Variants in DTX2 observed in about 807,000 individuals in gnomAD.
DTX2 encodes the protein deltex E3 ubiquitin ligase 2.
DTX2 carries 29 observed loss-of-function variants against 55.3 expected under a neutral mutation model. The ratio of observed to expected loss-of-function variants is 0.52; its 90% confidence interval spans 0.39 to 0.71. DTX2 has a LOEUF of 0.71. DTX2 is among the 30% of genes least tolerant of loss of function. The pLI is 0.00. For missense variants in DTX2, 537 were observed against 822.5 expected (o/e 0.65, Z 4.25); for synonymous variants, 276 against 340.4 (o/e 0.81, Z 2.08).
chr7:76,497,431 CA>C lies in DTX2; in HGVS notation c.1108del (p.Ser370ValfsTer8). On this transcript the variant is annotated frameshift_variant, in exon 6 of 11. Transcript: ENST00000430490. LOFTEE classifies it high-confidence loss of function. ...GCCCTCCCGCCTCCCGTCTGGCTTC[CA>C]AAAGTCACGGCTCAGTTAAGAGATT... ...TSPPASRLAS[K>X]SHGSVKRLRK... 1 of 1,562,924 alleles carries C rather than the reference CA, an allele frequency of 6.4e-7. No homozygotes were observed. The highest frequency in any genetic ancestry group is 8.8e-7 in the Non-Finnish European group (1 of 1,138,660).
intron 2 of DTX2, among the ~76,000 whole-genome samples, chr7:76,466,588 G>T (rs1584110308): frequency 6.9e-6 from 1 of 144,582 alleles, no homozygotes; most frequent in Non-Finnish European, 1.5e-5. Flanking sequence ...TTGTTTCTCT[G>T]TCTCTTTTTT....
Position 76,482,676 on chromosome 7 carries a change from C to G in DTX2, c.437C>G (p.Ala146Gly), listed in dbSNP as rs746249602. The part of the protein sequence containing the change: ...VARGNQLVDL[A>G]PLGYNYTVNY... Reference sequence around the variant, plus strand: ...AGGGGCAACCAGCTCGTGGACTTGGCCCCCCTGGGGTACAACTACACTGTC... The same window carrying G: ...AGGGGCAACCAGCTCGTGGACTTGGGCCCCCTGGGGTACAACTACACTGTC... The change falls in exon 4 of 11, where the codon GCC (alanine) becomes GGC (glycine). Residue 146 changes from alanine to glycine, a missense_variant. Ala to Gly is a moderately conservative substitution (Grantham distance 60). This residue lies in a region of DTX2 where 301 missense variants were observed against 396.6 expected (regional missense o/e 0.76). Transcript: ENST00000430490. 1 of 1,613,712 alleles carries G rather than the reference C, an allele frequency of 6.2e-7. No individual in the cohort carries two copies. Among genetic ancestry groups the G allele is most frequent in the East Asian group, 2.2e-5 (1 of 44,868 alleles).
intron 6 of DTX2, among the ~76,000 whole-genome samples, chr7:76,499,537 C>T (rs1811400023): frequency 1.3e-5 from 2 of 151,252 alleles, no homozygotes; most frequent in Admixed American, 1.3e-4. Context: ...GAGTCTGGGA[C>T]GACCGCAGCC....
chr7:76,483,426 G>A (rs1473733668), intron 4 of DTX2, among the ~76,000 whole-genome samples: 2 of 152,284 alleles, frequency 1.3e-5, no homozygotes, highest in African/African-American at 4.8e-5. Flanking sequence ...TTAAAGGCCT[G>A]TGGCCTCTGC....
rs1810690510 is a variant in DTX2 at position 76,494,292 on chromosome 7, G to A, written c.1009+2039G>A. On this transcript the variant is annotated intron_variant, in intron 5 of 10. Transcript: ENST00000430490. ...GAGCTGGAGTGGGGCAGGGGAGACAGAATGAGCAAGACACACTGGCCAGAA... is the reference window on the plus strand; with the variant it reads ...GAGCTGGAGTGGGGCAGGGGAGACAAAATGAGCAAGACACACTGGCCAGAA... Among the ~76,000 whole-genome samples, 2 of 92,164 alleles carry A rather than the reference G, an allele frequency of 2.2e-5. 1 individual carries two copies. The highest frequency in any genetic ancestry group is 4.7e-5 in the Non-Finnish European group (2 of 42,544). 60.5% of individuals were successfully genotyped at this position (92,164 alleles called of 152,430 possible). A position where few individuals can be genotyped will look rare whatever the true frequency, so the allele number is the denominator to read the frequency against.
intron 6 of DTX2, among the ~76,000 whole-genome samples, chr7:76,498,379 C>T (rs539937490): frequency 2.7e-4 from 41 of 151,836 alleles, no homozygotes; most frequent in Non-Finnish European, 4.9e-4. Flanking sequence ...CTCTGCACGC[C>T]CTGCCCTTCC....
chr7:76,482,968 C>A lies in DTX2; in HGVS notation c.729C>A (p.Ala243=), dbSNP rs1809463883. The A allele has an allele frequency of 1.9e-6, 3 of 1,613,712 alleles. No homozygotes were observed. In the Admixed American group the frequency reaches 5.0e-5, roughly 27 times the overall value. Residue 243 remains alanine (A), a synonymous_variant, in exon 4 of 11, where the codon GCC becomes GCA. Coordinates refer to ENST00000430490, the MANE Select transcript of DTX2 (RefSeq NM_001102594.3). ...RTASVFGTHQ[A]FAPYNKPSLS... ...CTTCTGTGTTTGGGACCCACCAGGC[C>A]TTTGCACCGTACAACAAACCCTCAC...
intron 2 of DTX2, among the ~76,000 whole-genome samples, chr7:76,472,728 TGAA>T (rs1439850249): frequency 6.6e-6 from 1 of 150,452 alleles, no homozygotes; most frequent in Non-Finnish European, 1.5e-5. Context: ...CTCCTATATA[TGAA>T]GAAGAAAAGA....
intron 8 of DTX2, 22 bp downstream of exon 8, chr7:76,502,478 G>C: frequency 6.2e-7 from 1 of 1,606,596 alleles, no homozygotes; most frequent in South Asian, 1.1e-5. Context: ...GGCCCAGGGC[G>C]GAGGCGGGTG....
Position 76,502,303 on chromosome 7 carries a change from C to T in DTX2, c.1236C>T (p.Cys412=). The change falls in exon 8 of 11, where the codon TGC becomes TGT. Residue 412 remains cysteine (C), a synonymous_variant. Transcript: ENST00000430490. ...EELKVPPDED[C]IICMEKLSTA... is the part of the protein sequence containing the mutation. ...CCATGTTTGGTCTCCTCCAGGACTG[C>T]ATCATCTGCATGGAGAAGCTGTCCA... is the stretch of plus-strand genomic sequence containing the variant. 1 of 1,607,148 alleles carries T rather than the reference C, an allele frequency of 6.2e-7. No homozygotes were observed. Among genetic ancestry groups the T allele is most frequent in the Non-Finnish European group, 8.5e-7 (1 of 1,176,168 alleles).
intron 7 of DTX2, among the ~76,000 whole-genome samples, chr7:76,500,793 A>G (rs550638982): frequency 0.039 from 5,904 of 151,902 alleles, 320 homozygotes; most frequent in African/African-American, 0.13. Context: ...GGGAGCAGGA[A>G]TTCCAGAGAC....
intron 2 of DTX2, among the ~76,000 whole-genome samples, chr7:76,468,709 T>A (rs1807478027): frequency 1.5e-5 from 1 of 67,860 alleles, no homozygotes; most frequent in African/African-American, 6.9e-5. Flanking sequence ...CCACCCCCGC[T>A]TGGCCTCCCA....
rs1482713888 is a variant in DTX2, at chr7:76,464,383, T to C, written c.-90+674T>C. ...TGAGCGAGGAGGGTTATGTGGGCCA[T>C]GCCAAGACTCGGGAGTGGAAGGATT... On this transcript the variant is annotated intron_variant, in intron 2 of 10. Coordinates refer to ENST00000430490, the MANE Select transcript of DTX2 (RefSeq NM_001102594.3). Among the ~76,000 whole-genome samples the C allele has an allele frequency of 5.3e-5, 8 of 149,840 alleles. No homozygotes were observed. The East Asian group carries it at 1.4e-3, about 26-fold the overall frequency.
chr7:76,491,575 G>A lies in DTX2; in HGVS notation c.909-578G>A, dbSNP rs1443696105. The stretch of plus-strand genomic sequence containing the variant: ...TGGGATTTCAGGCGTGAGCCACCAC[G>A]CCTGGCCTGAGAGCCTGCATTTTGA... On this transcript the variant is annotated intron_variant, in intron 4 of 10. Transcript: ENST00000430490. Among the ~76,000 whole-genome samples the A allele has an allele frequency of 2.1e-4, 18 of 87,802 alleles. 6 individuals are homozygous for A. The highest frequency in any genetic ancestry group is 3.9e-4 in the Non-Finnish European group (17 of 43,166). 57.6% of individuals were successfully genotyped at this position (87,802 alleles called of 152,430 possible). A position where few individuals can be genotyped will look rare whatever the true frequency, so the allele number is the denominator to read the frequency against.
intron 2 of DTX2, among the ~76,000 whole-genome samples, chr7:76,475,574 C>T (rs369497406): frequency 0.016 from 2,420 of 147,558 alleles, 98 homozygotes; most frequent in East Asian, 0.13. Flanking sequence ...GTAATCCCAA[C>T]TACTTGGGAG....
intron 7 of DTX2, chr7:76,501,888 CTTTTT>C: frequency 6.9e-6 from 1 of 144,772 alleles, no homozygotes; most frequent in Non-Finnish European, 1.4e-5. Context: ...GTGGAATGGA[CTTTTT>C]TTTTTTTTTT....
Position 76,492,205 on chromosome 7 carries a change from G to T in DTX2, c.961G>T (p.Val321Leu). The change falls in exon 5 of 11, where the codon GTG becomes TTG. Residue 321 changes from valine (V) to leucine (L), a missense_variant. Transcript: ENST00000430490. Reference sequence around the variant, plus strand: ...CAGCCCAGGGAGCGTCCCTGCCACTGTGCCCATGCAGATGCCAAAGCCCAG... The same window carrying T: ...CAGCCCAGGGAGCGTCCCTGCCACTTTGCCCATGCAGATGCCAAAGCCCAG... ...SSSPGSVPAT[V>L]PMQMPKPSRV... is the part of the protein sequence containing the mutation. 1 of 1,304,398 alleles carries T rather than the reference G, an allele frequency of 7.7e-7. No individual in the cohort carries two copies. The highest frequency in any genetic ancestry group is 1.0e-6 in the Non-Finnish European group (1 of 969,028). 80.8% of individuals were successfully genotyped at this position (1,304,398 alleles called of 1,614,324 possible). A position where few individuals can be genotyped will look rare whatever the true frequency, so the allele number is the denominator to read the frequency against.
intron 2 of DTX2, among the ~76,000 whole-genome samples, chr7:76,478,392 C>T (rs1808780051): frequency 7.0e-6 from 1 of 143,038 alleles, no homozygotes. Context: ...CATCAGTGTG[C>T]ACACACACTG....
intron 10 of DTX2, among the ~76,000 whole-genome samples, chr7:76,504,877 C>T (rs2116645152): frequency 6.6e-6 from 1 of 152,130 alleles, no homozygotes. Context: ...CAGGGTGCCC[C>T]CCAGGCCAGC....
Sources: allele counts gnomAD v4.1 joint callset (sites outside exome capture counted in the v4.1 genomes callset), GRCh38; gene constraint gnomAD v4.1.1; regional missense constraint gnomAD v4.1.1; transcripts MANE v1.5; gene names NCBI Gene and HGNC (gene_info 2026-07-23, HGNC 2026-07-21).